The following PSMB2 variants were observed in gnomAD, a reference collection of about 807,000 sequenced individuals.
PSMB2 encodes the protein proteasome subunit beta type-2.
PSMB2 carries 13 observed loss-of-function variants against 25.7 expected under a neutral mutation model. The observed-to-expected ratio is 0.51, with a 90% CI of 0.33 to 0.80. The LOEUF (loss-of-function observed/expected upper bound fraction) is 0.80. Ranked by LOEUF, PSMB2 falls within the 30% of genes least tolerant of loss-of-function variation. The probability of loss-of-function intolerance (pLI) is 0.02; values close to 1 mark genes in which losing one functional copy is unlikely to be tolerated. For missense variants in PSMB2, 202 were observed against 259.0 expected (o/e 0.78, Z 1.51); for synonymous variants, 87 against 96.2 (o/e 0.90, Z 0.56).
At chr1:35,636,895 T>G (rs1651258740) in intron 1 of PSMB2, among the ~76,000 whole-genome samples, 1 of 152,232 alleles carries the variant, frequency 6.6e-6, no homozygotes, top group African/African-American at 2.4e-5. Context: ...AACTAATTAT[T>G]GCTTTTAGAA....
In PSMB2 at chr1:35,603,268, T is replaced by TA. The variant is rs1336966433; in HGVS notation, c.604dup (p.Ter202LeufsTer30). The stretch of plus-strand genomic sequence containing the variant: ...GCAAGTGGGAGGGAGGACATGATGT[T>TA]AGGAGCCCTGTTTGGGGAAGGAAAT... On this transcript the variant is annotated frameshift_variant and stop_lost, in exon 6 of 6. Coordinates refer to ENST00000373237, the MANE Select transcript of PSMB2 (RefSeq NM_002794.5). LOFTEE classifies it high-confidence loss of function. The TA allele has an allele frequency of 6.2e-7, 1 of 1,614,090 alleles. No homozygotes were observed. The highest frequency in any genetic ancestry group is 8.5e-7 in the Non-Finnish European group (1 of 1,179,976).
chr1:35,603,200 G>T lies in PSMB2; in HGVS notation c.*67C>A. ...CATTTATCAAGAGTGCGCCTGAAAA[G>T]AGTAGAAAAAAATAAAGGAGCCCAT... On this transcript the variant is annotated 3_prime_UTR_variant, in exon 6 of 6. Coordinates refer to ENST00000373237, the MANE Select transcript of PSMB2 (RefSeq NM_002794.5). 6.4e-7 allele frequency: 1 copy of T among 1,574,492 alleles called. No individual in the cohort carries two copies. The highest frequency in any genetic ancestry group is 8.6e-7 in the Non-Finnish European group (1 of 1,165,780).
chr1:35,633,107 A>G (rs1204558895), intron 2 of PSMB2, among the ~76,000 whole-genome samples: 1 of 151,240 alleles, frequency 6.6e-6, no homozygotes, highest in Non-Finnish European at 1.5e-5. Context: ...TATAATCCCA[A>G]CTACTCAGGA....
chr1:35,636,186 T>C, intron 2 of PSMB2, 124 bp downstream of exon 2: 2 of 1,250,902 alleles, frequency 1.6e-6, no homozygotes, highest in South Asian at 3.1e-5. Context: ...CCTTAATCTT[T>C]GACTTCTAAC....
rs77513020 is a variant in PSMB2, at chr1:35,627,174, G to A, written c.285+4100C>T. Among the ~76,000 whole-genome samples, 487 of 150,602 alleles carry A rather than the reference G, an allele frequency of 3.2e-3. 3 individuals are homozygous for A. The highest frequency in any genetic ancestry group is 0.012 in the African/African-American group (470 of 40,796). On this transcript the variant is annotated intron_variant, in intron 3 of 5. Coordinates refer to ENST00000373237, the MANE Select transcript of PSMB2 (RefSeq NM_002794.5). ...TCCAGCTATTTGGGAGGCTGAAGTGGGAGTATTGTTTGAGCCCGGGAGGTT... is the reference window on the plus strand; with the variant it reads ...TCCAGCTATTTGGGAGGCTGAAGTGAGAGTATTGTTTGAGCCCGGGAGGTT...
At chr1:35,624,035 ATGC>A (rs1650775030) in intron 3 of PSMB2, among the ~76,000 whole-genome samples, 1 of 152,194 alleles carries the variant, frequency 6.6e-6, no homozygotes, top group Non-Finnish European at 1.5e-5. Flanking sequence ...GGACAGGAGC[ATGC>A]TATACATGCC....
At chr1:35,627,508 A>C (rs1481120070) in intron 3 of PSMB2, among the ~76,000 whole-genome samples, 1 of 152,048 alleles carries the variant, frequency 6.6e-6, no homozygotes, top group African/African-American at 2.4e-5. Flanking sequence ...TTAGCCAGGC[A>C]TAGTGGTATG....
intron 3 of PSMB2, among the ~76,000 whole-genome samples, chr1:35,610,535 C>T (rs1337073139): frequency 1.1e-4 from 16 of 151,950 alleles, no homozygotes; most frequent in Admixed American, 1.0e-3. Context: ...GGCTCTTGTC[C>T]CCCAGGCTGG....
At chr1:35,623,527 A>G (rs1379211104) in intron 3 of PSMB2, among the ~76,000 whole-genome samples, 1 of 152,226 alleles carries the variant, frequency 6.6e-6, no homozygotes, top group Non-Finnish European at 1.5e-5. Flanking sequence ...CAAGATGCCC[A>G]GGCTGTGTGG....
At chr1:35,633,406 A>G (rs1030697878) in intron 2 of PSMB2, among the ~76,000 whole-genome samples, 2 of 152,188 alleles carry the variant, frequency 1.3e-5, no homozygotes, top group East Asian at 3.8e-4. Context: ...TTTAACTTAT[A>G]TAAGAATTAC....
At chr1:35,632,436 TACA>T (rs981365179) in intron 2 of PSMB2, among the ~76,000 whole-genome samples, 4 of 152,218 alleles carry the variant, frequency 2.6e-5, no homozygotes, top group African/African-American at 9.6e-5. Context: ...AGTAATTGCT[TACA>T]ACATTTCAAA....
intron 2 of PSMB2, among the ~76,000 whole-genome samples, chr1:35,634,483 C>T (rs958562019): frequency 6.6e-6 from 1 of 152,144 alleles, no homozygotes; most frequent in African/African-American, 2.4e-5. Context: ...CTCAAGTGAT[C>T]TTCCCACTTC....
Position 35,620,597 on chromosome 1 carries a change from G to A in PSMB2, c.285+10677C>T, listed in dbSNP as rs1022173513. Among the ~76,000 whole-genome samples the A allele has an allele frequency of 4.0e-5, 6 of 150,914 alleles. No homozygotes were observed. The East Asian group carries it at 1.0e-3, about 25-fold the overall frequency. On this transcript the variant is annotated intron_variant, in intron 3 of 5. Transcript: ENST00000373237. The stretch of plus-strand genomic sequence containing the variant: ...GGCTCATTAAAACCTCTGCCTCCTC[G>A]GGTGCCTGTAGTCCCAGCTACTCAG...
chr1:35,616,008 T>C (rs1650481839), intron 3 of PSMB2, among the ~76,000 whole-genome samples: 1 of 152,220 alleles, frequency 6.6e-6, no homozygotes, highest in African/African-American at 2.4e-5. Flanking sequence ...CTGCCTAAAA[T>C]TCCATCTTTA....
chr1:35,635,596 C>T (rs1210280801), intron 2 of PSMB2, among the ~76,000 whole-genome samples: 5 of 151,750 alleles, frequency 3.3e-5, no homozygotes, highest in South Asian at 2.1e-4. Context: ...TTTGGGAGGC[C>T]GAGGTGGGCA....
At chr1:35,621,876 G>C (rs191951163) in intron 3 of PSMB2, among the ~76,000 whole-genome samples, 3 of 152,148 alleles carry the variant, frequency 2.0e-5, no homozygotes, top group African/African-American at 7.2e-5. Flanking sequence ...TGTGCCTGTA[G>C]GCCCAGCTAC....
chr1:35,602,987 GAGT>G lies in PSMB2; in HGVS notation c.*277_*279del, dbSNP rs1223791315. On this transcript the variant is annotated 3_prime_UTR_variant, in exon 6 of 6. Transcript: ENST00000373237. Reference sequence around the variant, plus strand: ...CTAGTTGGAAAGGAAGCCAAGCATGGAGTAGAACGTGGGGCCGTCAGCTGCTAA... The same window carrying G: ...CTAGTTGGAAAGGAAGCCAAGCATGGAGAACGTGGGGCCGTCAGCTGCTAA... 4.5e-6 allele frequency: 5 copies of G among 1,118,734 alleles called. No individual in the cohort carries two copies. In the East Asian group the frequency reaches 2.8e-4, roughly 63 times the overall value. 69.3% of individuals were successfully genotyped at this position (1,118,734 alleles called of 1,614,324 possible).
At chr1:35,605,455 G>C (rs1002541362) in intron 4 of PSMB2, among the ~76,000 whole-genome samples, 173 bp from the exon 5 acceptor site, 1 of 152,154 alleles carries the variant, frequency 6.6e-6, no homozygotes, top group Non-Finnish European at 1.5e-5. Context: ...ACATGCAGCT[G>C]GGGGGGCCCC....
chr1:35,641,300 CT>C, intron 1 of PSMB2, 41 bp downstream of exon 1: 1 of 1,612,790 alleles, frequency 6.2e-7, no homozygotes, highest in Non-Finnish European at 8.5e-7. Context: ...CTGGCCGCTC[CT>C]ACACCCCAGG....
Sources: allele counts gnomAD v4.1 joint callset (sites outside exome capture counted in the v4.1 genomes callset), GRCh38; gene constraint gnomAD v4.1.1; transcripts MANE v1.5; gene names NCBI Gene and HGNC (gene_info 2026-07-23, HGNC 2026-07-21).